CCSER1: variants seen among roughly 807,000 people sequenced by gnomAD.
The protein encoded by CCSER1 is serine-rich coiled-coil domain-containing protein 1.
CCSER1 carries 41 observed loss-of-function variants against 82.0 expected under a neutral mutation model. The observed-to-expected ratio is 0.50, with a 90% CI of 0.39 to 0.65. The LOEUF is 0.65. CCSER1 is among the 30% of genes least tolerant of loss of function. CCSER1 has a pLI of 0.00. For missense variants in CCSER1, 1,119 were observed against 1,064.2 expected, an observed-to-expected ratio of 1.05 and a Z score of -0.72; for synonymous variants, 414 against 383.9, an observed-to-expected ratio of 1.08 and a Z score of -0.92.
chr4:90,755,424 C>T (rs1414908937), intron 7 of CCSER1, among the ~76,000 whole-genome samples: 2 of 152,072 alleles, frequency 1.3e-5, no homozygotes, highest in Non-Finnish European at 2.9e-5. Context: ...GTCTTTTAAC[C>T]AATAGTTAGT....
At chr4:91,269,063 A>G (rs1284541375) in intron 10 of CCSER1, among the ~76,000 whole-genome samples, 1 of 152,216 alleles carries the variant, frequency 6.6e-6, no homozygotes, top group East Asian at 1.9e-4. Flanking sequence ...ATTGTAGTCT[A>G]TTTAAAGGCA....
At chr4:90,238,169 A>G (rs1026804875) in intron 1 of CCSER1, among the ~76,000 whole-genome samples, 2 of 152,100 alleles carry the variant, frequency 1.3e-5, no homozygotes, top group Admixed American at 1.3e-4. Context: ...AAAAAGTCAA[A>G]CCTTTTTTTT....
chr4:90,973,597 A>G (rs1362519026), intron 9 of CCSER1, among the ~76,000 whole-genome samples: 3 of 151,742 alleles, frequency 2.0e-5, no homozygotes, highest in Non-Finnish European at 2.9e-5. Context: ...GAAAAACAGT[A>G]TGGAGATTCC....
At chr4:90,239,650 A>AT (rs1029006411) in intron 1 of CCSER1, among the ~76,000 whole-genome samples, 10 of 151,312 alleles carry the variant, frequency 6.6e-5, no homozygotes, top group South Asian at 2.1e-4. Context: ...ATTATTTTTA[A>AT]TTTTTTTTTG....
In CCSER1 at chr4:90,639,462, T is replaced by A. The variant is rs113487042; in HGVS notation, c.1932+11230T>A. On this transcript the variant is annotated intron_variant, in intron 6 of 10. Coordinates refer to ENST00000509176, the MANE Select transcript of CCSER1 (RefSeq NM_001145065.2). ...CACTCCACAAAAGTACTACAACATGTCAATTGAATTTCCTGTTTAGAGTCA... is the reference window on the plus strand; with the variant it reads ...CACTCCACAAAAGTACTACAACATGACAATTGAATTTCCTGTTTAGAGTCA... 9.5e-3 allele frequency among the ~76,000 whole-genome samples: 1,452 copies of A among 152,158 alleles called. 23 individuals carry two copies. Among genetic ancestry groups the A allele is most frequent in the African/African-American group, 0.033 (1,387 of 41,518 alleles).
chr4:90,327,095 C>T (rs554521658), intron 3 of CCSER1, among the ~76,000 whole-genome samples: 1 of 152,246 alleles, frequency 6.6e-6, no homozygotes, highest in South Asian at 2.1e-4. Context: ...CCAAAGAGAT[C>T]CTACCAGGTC....
intron 10 of CCSER1, among the ~76,000 whole-genome samples, chr4:91,435,463 A>G (rs1328067186): frequency 1.3e-5 from 2 of 152,128 alleles, no homozygotes; most frequent in Non-Finnish European, 2.9e-5. Flanking sequence ...ATGTATCTAA[A>G]CATTTAGAAA....
intron 10 of CCSER1, among the ~76,000 whole-genome samples, chr4:91,358,145 T>C (rs1213475595): frequency 6.6e-6 from 1 of 152,030 alleles, no homozygotes; most frequent in Admixed American, 6.5e-5. Context: ...TCTTTCCTTT[T>C]CTCTCTGCTG....
At chr4:90,145,535 C>G (rs1050514495) in intron 1 of CCSER1, among the ~76,000 whole-genome samples, 1 of 152,002 alleles carries the variant, frequency 6.6e-6, no homozygotes, top group African/African-American at 2.4e-5. Flanking sequence ...ATTTCAATAT[C>G]TATTGTGTCA....
chr4:90,856,990 T>G (rs1764535952), intron 8 of CCSER1, among the ~76,000 whole-genome samples: 1 of 151,908 alleles, frequency 6.6e-6, no homozygotes, highest in African/African-American at 2.4e-5. Context: ...TTGTTTTTCC[T>G]TAAAACTACC....
intron 1 of CCSER1, among the ~76,000 whole-genome samples, chr4:90,303,562 A>G (rs959467531): frequency 2.6e-5 from 4 of 152,046 alleles, no homozygotes; most frequent in Non-Finnish European, 5.9e-5. Context: ...AGGATTCCCT[A>G]TTTAATAAAT....
At chr4:90,992,653 G>T (rs1386721920) in intron 9 of CCSER1, among the ~76,000 whole-genome samples, 1 of 151,896 alleles carries the variant, frequency 6.6e-6, no homozygotes, top group Non-Finnish European at 1.5e-5. Flanking sequence ...CATGTTGTTG[G>T]CAGAATTCAA....
chr4:90,717,916 T>C (rs893078997), intron 6 of CCSER1, among the ~76,000 whole-genome samples: 3 of 151,902 alleles, frequency 2.0e-5, no homozygotes, highest in Non-Finnish European at 4.4e-5. Flanking sequence ...GGAACAATCA[T>C]GGCAAAACTT....
intron 5 of CCSER1, among the ~76,000 whole-genome samples, chr4:90,597,214 G>C (rs1783448251): frequency 6.6e-6 from 1 of 151,914 alleles, no homozygotes; most frequent in Admixed American, 6.6e-5. Flanking sequence ...ACCGTAACCT[G>C]CAGTAGGAAA....
intron 10 of CCSER1, among the ~76,000 whole-genome samples, chr4:91,344,297 C>A (rs2149291129): frequency 6.6e-6 from 1 of 152,280 alleles, no homozygotes; most frequent in East Asian, 1.9e-4. Flanking sequence ...GTTTCCCAAA[C>A]TCCAGAACTG....
At chr4:91,169,441 C>T (rs375358582) in intron 10 of CCSER1, among the ~76,000 whole-genome samples, 17 of 152,064 alleles carry the variant, frequency 1.1e-4, no homozygotes, top group African/African-American at 2.9e-4. Flanking sequence ...GCCACCGTGG[C>T]GAAGCCCATT....
chr4:90,971,998 A>C (rs1048927036), intron 9 of CCSER1, among the ~76,000 whole-genome samples: 1 of 151,942 alleles, frequency 6.6e-6, no homozygotes, highest in Non-Finnish European at 1.5e-5. Flanking sequence ...GTACCTCAAC[A>C]TAACAAAGGC....
At position 91,078,027 on chromosome 4, in the gene CCSER1, C is replaced by T. The variant is rs189748548; in HGVS notation, c.2173-7923C>T. On this transcript the variant is annotated intron_variant, in intron 9 of 10. Transcript: ENST00000509176. The stretch of plus-strand genomic sequence containing the variant: ...TCCACCTCTAGGGGCAGGGCATAGC[C>T]GAACAAAAGGCAGCAGAAACTTCTG... 4.8e-3 allele frequency among the ~76,000 whole-genome samples: 728 copies of T among 152,282 alleles called. 8 individuals carry two copies. Among genetic ancestry groups the T allele is most frequent in the African/African-American group, 0.016 (677 of 41,552 alleles).
intron 10 of CCSER1, among the ~76,000 whole-genome samples, chr4:91,158,383 C>T (rs998865505): frequency 6.6e-6 from 1 of 151,932 alleles, no homozygotes; most frequent in Non-Finnish European, 1.5e-5. Context: ...CCCTGGAATC[C>T]TTCTCAGAAA....
Sources: gnomAD v4.1 joint callset for allele counts (sites outside exome capture counted in the v4.1 genomes callset) on GRCh38, gnomAD v4.1.1 for gene constraint, MANE v1.5 for transcripts, NCBI Gene and HGNC (gene_info 2026-07-23, HGNC 2026-07-21) for gene names.